Variants in ABCC2 observed in about 807,000 individuals in gnomAD.
ABCC2 encodes ATP-binding cassette sub-family C member 2.
A neutral mutation model predicts 173.4 loss-of-function variants in ABCC2; 157 were observed. The ratio of observed to expected loss-of-function variants is 0.91; its 90% CI spans 0.80 to 1.03. The LOEUF (loss-of-function observed/expected upper bound fraction) is 1.03. Among genes scored for constraint, ABCC2 ranks in the 50% least tolerant of loss-of-function variants. The probability of loss-of-function intolerance (pLI) is 0.00; values close to 1 mark genes in which losing one functional copy is unlikely to be tolerated. For synonymous variants in ABCC2, 657 were observed against 693.5 expected (o/e 0.95, Z 0.83); for missense variants, 1,822 against 1,852.3 (o/e 0.98, Z 0.30).
chr10:99,814,231 GTGTATATATGCACACACGTATGTATA>G lies in ABCC2; in HGVS notation c.2094+1088_2094+1113del, dbSNP rs2038293518. Among the ~76,000 whole-genome samples the G allele has an allele frequency of 7.4e-5, 2 of 27,166 alleles. 1 individual carries two copies. The highest frequency in any genetic ancestry group is 2.4e-3 in the South Asian group (2 of 844). The allele number at this position is 27,166 out of a possible 152,430, so 17.8% of individuals were successfully genotyped here. On this transcript the variant is annotated intron_variant, in intron 16 of 31. Transcript: ENST00000647814. The stretch of plus-strand genomic sequence containing the variant: ...CACACATGTGTATATATACACACAT[GTGTATATATGCACACACGTATGTATA>G]CACACGTATGTATACACACGTATGT...
At chr10:99,834,990 C>T (rs550657477) in intron 24 of ABCC2, among the ~76,000 whole-genome samples, 4 of 152,302 alleles carry the variant, frequency 2.6e-5, no homozygotes, top group South Asian at 2.1e-4. Flanking sequence ...CTTTTTACTT[C>T]GGCAAAGTTC....
rs553674996 is a variant in ABCC2, at chr10:99,799,268, T to G, written c.929T>G (p.Leu310Trp). 8 of 1,614,186 alleles carry G rather than the reference T, an allele frequency of 5.0e-6. No homozygotes were observed. In the South Asian group the frequency reaches 6.6e-5, roughly 13 times the overall value. The change falls in exon 8 of 32, where the codon TTG becomes TGG. Residue 310 changes from leucine (L) to tryptophan (W), a missense_variant. Coordinates refer to ENST00000647814, the MANE Select transcript of ABCC2 (RefSeq NM_000392.5). ...AAAAAAGATGTTCCAAAATCCTGGTTGATGAAGGCTCTGTTCAAAACTTTC... is the reference window on the plus strand; with the variant it reads ...AAAAAAGATGTTCCAAAATCCTGGTGGATGAAGGCTCTGTTCAAAACTTTC... ...GTKKDVPKSWLMKALFKTFYM... is the reference protein window; with the variant it reads ...GTKKDVPKSWWMKALFKTFYM...
intron 13 of ABCC2, 141 bp from the exon 14 acceptor site, chr10:99,809,993 C>T: frequency 1.4e-6 from 1 of 722,136 alleles, no homozygotes; most frequent in Non-Finnish European, 2.4e-6. Context: ...GGTGGGATAG[C>T]TTCCGGGGCT....
At chr10:99,827,713 G>C (rs889599319) in intron 19 of ABCC2, among the ~76,000 whole-genome samples, 1 of 151,086 alleles carries the variant, frequency 6.6e-6, no homozygotes, top group Admixed American at 6.6e-5. Context: ...AGCTTGATTA[G>C]ATTTTTTTGT....
intron 9 of ABCC2, 39 bp downstream of exon 9, chr10:99,800,602 C>G: frequency 6.2e-7 from 1 of 1,607,344 alleles, no homozygotes; most frequent in Non-Finnish European, 8.5e-7. Flanking sequence ...AGAAAATCCC[C>G]TCAGTAAATA....
At chr10:99,816,796 A>C (rs2038424771) in intron 16 of ABCC2, among the ~76,000 whole-genome samples, 1 of 152,098 alleles carries the variant, frequency 6.6e-6, no homozygotes, top group South Asian at 2.1e-4. Flanking sequence ...CCCTATTGTG[A>C]ACTGCACATG....
chr10:99,818,144 A>G (rs929824024), intron 17 of ABCC2, among the ~76,000 whole-genome samples: 5 of 151,792 alleles, frequency 3.3e-5, no homozygotes, highest in African/African-American at 9.7e-5. Flanking sequence ...AATTGCTTGA[A>G]CCAGGGAGGC....
chr10:99,786,805 C>T (rs559955698), intron 2 of ABCC2, among the ~76,000 whole-genome samples: 13 of 152,260 alleles, frequency 8.5e-5, no homozygotes, highest in Admixed American at 4.6e-4. Flanking sequence ...GAGTTCGAGA[C>T]GAGCCTGGCC....
intron 28 of ABCC2, among the ~76,000 whole-genome samples, chr10:99,844,688 T>A (rs1346888672): frequency 6.6e-6 from 1 of 152,090 alleles, no homozygotes; most frequent in Non-Finnish European, 1.5e-5. Flanking sequence ...TCTGCTCAGC[T>A]CCTCCCTGCC....
At chr10:99,783,062 T>G (rs1444359407) in intron 1 of ABCC2, among the ~76,000 whole-genome samples, 185 bp downstream of exon 1, 2 of 152,224 alleles carry the variant, frequency 1.3e-5, no homozygotes, top group Non-Finnish European at 2.9e-5. Context: ...GGAAATGTAA[T>G]GCAAATTATT....
At chr10:99,830,623 T>C (rs2038721964) in intron 20 of ABCC2, 93 bp from the exon 21 acceptor site, 4 of 1,597,398 alleles carry the variant, frequency 2.5e-6, no homozygotes, top group Admixed American at 1.7e-5. Context: ...TGCCCTGAAA[T>C]GCGCTTTGAT....
In ABCC2 at chr10:99,851,832, C is replaced by T. The variant is rs150176505; in HGVS notation, c.*201C>T. On this transcript the variant is annotated 3_prime_UTR_variant, in exon 32 of 32. Transcript: ENST00000647814. The stretch of plus-strand genomic sequence containing the variant: ...TGAGAAACCCCTCGATTGTCTACCT[C>T]GATCGTACTTCCTTGCTACCCACCC... 1.2e-3 allele frequency: 615 copies of T among 492,136 alleles called. 4 individuals carry two copies. The highest frequency in any genetic ancestry group is 0.011 in the African/African-American group (552 of 51,458). 30.5% of individuals were successfully genotyped at this position (492,136 alleles called of 1,614,324 possible). A position where few individuals can be genotyped will look rare whatever the true frequency, so the allele number is the denominator to read the frequency against.
rs534622654 is a variant in ABCC2 at position 99,844,575 on chromosome 10, G to C, written c.3987+110G>C. ...CCTTCATCATTTGGATGGAGGGAAAGGGTCAGGGCACTTCCTCTGCCCTGG... is the reference window on the plus strand; with the variant it reads ...CCTTCATCATTTGGATGGAGGGAAACGGTCAGGGCACTTCCTCTGCCCTGG... On this transcript the variant is annotated intron_variant, in intron 28 of 31. Coordinates refer to ENST00000647814, the MANE Select transcript of ABCC2 (RefSeq NM_000392.5). The C allele has an allele frequency of 1.6e-4, 233 of 1,434,896 alleles. No individual in the cohort carries two copies. The African/African-American group carries it at 3.0e-3, about 18-fold the overall frequency. 88.9% of individuals were successfully genotyped at this position (1,434,896 alleles called of 1,614,324 possible).
In ABCC2 at chr10:99,834,395, G is replaced by A. The variant is rs2038785478; in HGVS notation, c.3274G>A (p.Asp1092Asn). Residue 1092 changes from aspartate (D) to asparagine (N), a missense_variant, in exon 24 of 32, where the codon GAT (aspartate) becomes AAT (asparagine). Transcript: ENST00000647814. Reference sequence around the variant, plus strand: ...GTTTTCCTAGGATATTTCCACAGTGGATGACACCCTGCCTCAGTCCTTGCG... The same window carrying A: ...GTTTTCCTAGGATATTTCCACAGTGAATGACACCCTGCCTCAGTCCTTGCG... ...NRFAGDISTV[D>N]DTLPQSLRSW... is the part of the protein sequence containing the mutation. 2 of 1,614,124 alleles carry A rather than the reference G, an allele frequency of 1.2e-6. No homozygotes were observed. Among genetic ancestry groups the A allele is most frequent in the South Asian group, 1.1e-5 (1 of 91,074 alleles).
Position 99,784,798 on chromosome 10 carries a change from T to A in ABCC2, c.207+17T>A, listed in dbSNP as rs752912129. On this transcript the variant is annotated intron_variant, in intron 2 of 31. Coordinates refer to ENST00000647814, the MANE Select transcript of ABCC2 (RefSeq NM_000392.5). ...GCTAAGCAGGTAAAGTTAACACCAC[T>A]GTTTCTGAACTCTAATTCCTTGGTG... The A allele has an allele frequency of 3.5e-5, 56 of 1,613,112 alleles. 1 individual carries two copies. The South Asian group carries it at 6.0e-4, about 17-fold the overall frequency.
intron 11 of ABCC2, among the ~76,000 whole-genome samples, chr10:99,806,025 A>G (rs189672743): frequency 4.6e-5 from 7 of 151,496 alleles, no homozygotes; most frequent in Admixed American, 4.6e-4. Context: ...ATGTCCATGC[A>G]TGATATTTAA....
chr10:99,835,235 T>C (rs1412365888), intron 24 of ABCC2, among the ~76,000 whole-genome samples: 2 of 152,322 alleles, frequency 1.3e-5, no homozygotes, highest in East Asian at 3.9e-4. Flanking sequence ...CAGGGGCTCG[T>C]GGCCTTGTGG....
At chr10:99,806,225 CA>C (rs1590156057) in intron 11 of ABCC2, among the ~76,000 whole-genome samples, 1 of 151,962 alleles carries the variant, frequency 6.6e-6, no homozygotes, top group Non-Finnish European at 1.5e-5. Flanking sequence ...GGCGGGAGTA[CA>C]AGGTTGCTTT....
chr10:99,783,550 G>C (rs571870621), intron 1 of ABCC2, among the ~76,000 whole-genome samples: 1 of 152,308 alleles, frequency 6.6e-6, no homozygotes, highest in East Asian at 1.9e-4. Flanking sequence ...ATTTTAGTAA[G>C]GGTTTGGTGA....
Sources: gnomAD v4.1 joint callset for allele counts (sites outside exome capture counted in the v4.1 genomes callset) on GRCh38, gnomAD v4.1.1 for gene constraint, MANE v1.5 for transcripts, NCBI Gene and HGNC (gene_info 2026-07-23, HGNC 2026-07-21) for gene names.